Variants in PABPC4L observed in about 807,000 individuals in gnomAD.
PABPC4L encodes the protein polyadenylate-binding protein 4-like.
For synonymous variants in PABPC4L, 169 were observed against 164.1 expected (o/e 1.03, Z -0.23); for missense variants, 452 against 451.4 (o/e 1.00, Z -0.01).
At chr4:134,068,526 G>A in the PABPC4L span, among the ~76,000 whole-genome samples, 2 of 152,024 alleles carry the variant, frequency 1.3e-5, no homozygotes, top group African/African-American at 4.8e-5. Flanking sequence ...TACATTCAAG[G>A]TTAATATTGG....
the PABPC4L span, among the ~76,000 whole-genome samples, chr4:134,143,911 A>G: frequency 5.5e-4 from 84 of 151,638 alleles, no homozygotes; most frequent in Admixed American, 4.6e-3. Flanking sequence ...TTTATTATTT[A>G]TACATTTCAC....
At chr4:134,107,156 A>G in the PABPC4L span, among the ~76,000 whole-genome samples, 1 of 151,382 alleles carries the variant, frequency 6.6e-6, no homozygotes, top group East Asian at 1.9e-4. Flanking sequence ...CAGAGCTAAA[A>G]CGATTTACCT....
chr4:133,969,180 C>A, the PABPC4L span, among the ~76,000 whole-genome samples: 1 of 152,246 alleles, frequency 6.6e-6, no homozygotes, highest in Non-Finnish European at 1.5e-5. Context: ...ACACTTGATA[C>A]AAAGCTTTGT....
At chr4:134,125,117 T>C in the PABPC4L span, among the ~76,000 whole-genome samples, 1 of 152,216 alleles carries the variant, frequency 6.6e-6, no homozygotes, top group South Asian at 2.1e-4. Context: ...GAGAAAAATA[T>C]TGCAAAATCA....
At chr4:134,124,146 A>G in the PABPC4L span, among the ~76,000 whole-genome samples, 2 of 152,098 alleles carry the variant, frequency 1.3e-5, no homozygotes, top group East Asian at 3.9e-4. Flanking sequence ...TATACCTGTA[A>G]TAAGTACTGT....
the PABPC4L span, among the ~76,000 whole-genome samples, chr4:133,962,448 C>G: frequency 1.3e-5 from 2 of 152,174 alleles, no homozygotes; most frequent in African/African-American, 4.8e-5. Context: ...ACAATAAAAA[C>G]TTCAGGAGAC....
chr4:133,990,324 T>C, the PABPC4L span, among the ~76,000 whole-genome samples: 1 of 152,210 alleles, frequency 6.6e-6, no homozygotes, highest in African/African-American at 2.4e-5. Context: ...ATACCTGTTA[T>C]GATTATCTGT....
At chr4:134,073,312 T>C in the PABPC4L span, among the ~76,000 whole-genome samples, 1 of 152,198 alleles carries the variant, frequency 6.6e-6, no homozygotes, top group African/African-American at 2.4e-5. Flanking sequence ...GTCAAAAATC[T>C]AATAGGTCAC....
At chr4:134,027,660 T>C in the PABPC4L span, among the ~76,000 whole-genome samples, 3 of 152,152 alleles carry the variant, frequency 2.0e-5, no homozygotes, top group Non-Finnish European at 4.4e-5. Flanking sequence ...TGCATATTGT[T>C]TTCTATGGTG....
At chr4:133,982,856 A>G in the PABPC4L span, among the ~76,000 whole-genome samples, 2 of 152,014 alleles carry the variant, frequency 1.3e-5, no homozygotes, top group South Asian at 4.1e-4. Flanking sequence ...TACTTGTCAA[A>G]CATGTAATTC....
At chr4:134,055,730 T>C in the PABPC4L span, among the ~76,000 whole-genome samples, 11 of 151,700 alleles carry the variant, frequency 7.3e-5, no homozygotes, top group Non-Finnish European at 1.5e-4. Flanking sequence ...TAGTGCTTTG[T>C]CATAAACATT....
chr4:134,107,047 A>G, the PABPC4L span, among the ~76,000 whole-genome samples: 2 of 151,496 alleles, frequency 1.3e-5, no homozygotes, highest in Non-Finnish European at 1.5e-5. Context: ...ATAATAATAT[A>G]TTGATTTTGT....
chr4:134,096,739 A>G, the PABPC4L span, among the ~76,000 whole-genome samples: 8 of 152,004 alleles, frequency 5.3e-5, no homozygotes, highest in Non-Finnish European at 8.8e-5. Flanking sequence ...TAGAAACTAA[A>G]GAAATAAATG....
At chr4:133,955,920 G>T in the PABPC4L span, among the ~76,000 whole-genome samples, 4 of 151,996 alleles carry the variant, frequency 2.6e-5, no homozygotes, top group Non-Finnish European at 4.4e-5. Context: ...TTAACCCCTG[G>T]TTATTGGATG....
the PABPC4L span, among the ~76,000 whole-genome samples, chr4:134,164,029 C>T: frequency 2.6e-5 from 4 of 151,524 alleles, no homozygotes; most frequent in South Asian, 2.1e-4. Flanking sequence ...TTTGGGAGGC[C>T]GAGGCGGGCG....
downstream of PABPC4L, among the ~76,000 whole-genome samples, chr4:134,192,741 G>T (rs143049819): frequency 6.6e-6 from 1 of 151,954 alleles, no homozygotes; most frequent in Non-Finnish European, 1.5e-5. Context: ...ACTAAAATAC[G>T]CTGAGTAAAA....
At chr4:134,174,082 C>G in the PABPC4L span, among the ~76,000 whole-genome samples, 1 of 151,664 alleles carries the variant, frequency 6.6e-6, no homozygotes, top group Non-Finnish European at 1.5e-5. Flanking sequence ...TTTTCTTTTA[C>G]TATTTAATTT....
chr4:134,085,297 C>A, the PABPC4L span, among the ~76,000 whole-genome samples: 1 of 151,886 alleles, frequency 6.6e-6, no homozygotes, highest in South Asian at 2.1e-4. Context: ...ATGTACATAT[C>A]ATATGTGCAT....
chr4:134,049,632 G>A, the PABPC4L span, among the ~76,000 whole-genome samples: 1 of 152,118 alleles, frequency 6.6e-6, no homozygotes, highest in East Asian at 1.9e-4. Context: ...CTATAATGTA[G>A]CTGACTACTC....
Sources: gnomAD v4.1 joint callset for allele counts (sites outside exome capture counted in the v4.1 genomes callset) on GRCh38, gnomAD v4.1.1 for gene constraint, MANE v1.5 for transcripts, NCBI Gene and HGNC (gene_info 2026-07-23, HGNC 2026-07-21) for gene names.